The following OSGEP variants were observed in gnomAD, a reference collection of about 807,000 sequenced individuals.
OSGEP encodes tRNA N6-adenosine threonylcarbamoyltransferase.
Under a neutral mutation model 44.1 loss-of-function variants are expected in OSGEP, and 39 were observed. The ratio of observed to expected loss-of-function variants is 0.88; its 90% CI spans 0.69 to 1.16. OSGEP has a LOEUF of 1.16. Among genes scored for constraint, OSGEP ranks in the 50% most tolerant of loss-of-function variants. OSGEP has a pLI of 0.00. For missense variants in OSGEP, 403 were observed against 443.1 expected, an observed-to-expected ratio of 0.91 and a Z score of 0.81; for synonymous variants, 139 against 161.9, an observed-to-expected ratio of 0.86 and a Z score of 1.07.
Position 20,449,033 on chromosome 14 carries a change from A to G in OSGEP, c.508-20T>C. 6.2e-7 allele frequency: 1 copy of G among 1,607,072 alleles called. No homozygotes were observed. The highest frequency in any genetic ancestry group is 8.5e-7 in the Non-Finnish European group (1 of 1,173,532). On this transcript the variant is annotated intron_variant, in intron 4 of 10. Coordinates refer to ENST00000206542, the MANE Select transcript of OSGEP (RefSeq NM_017807.4). Reference sequence around the variant, plus strand: ...AGAAATCTAGCAGAAGAAAAAAATAAGGAAGGAGGGAATGGAAGAGGATGA... The same window carrying G: ...AGAAATCTAGCAGAAGAAAAAAATAGGGAAGGAGGGAATGGAAGAGGATGA...
At chr14:20,451,222 A>G (rs1432309293) in intron 3 of OSGEP, 1 of 170,486 alleles carries the variant, frequency 5.9e-6, no homozygotes, top group Non-Finnish European at 1.3e-5. Context: ...CTACATAATC[A>G]TTCCCAGTAA....
In OSGEP at chr14:20,448,149, G is replaced by A; in HGVS notation, c.659C>T (p.Ala220Val). The A allele has an allele frequency of 6.2e-7, 1 of 1,613,144 alleles. No homozygotes were observed. The highest frequency in any genetic ancestry group is 8.5e-7 in the Non-Finnish European group (1 of 1,179,080). Residue 220 changes from alanine to valine, a missense_variant, in exon 7 of 11, where the codon GCC (alanine) becomes GTC (valine). By Grantham distance (64) the Ala-to-Val change is moderately conservative. Coordinates refer to ENST00000206542, the MANE Select transcript of OSGEP (RefSeq NM_017807.4). ...FIEDVAHRMLATGECTPEDLC... is the reference protein window; with the variant it reads ...FIEDVAHRMLVTGECTPEDLC... ...ATCCTCAGGAGTACACTCGCCTGTG[G>A]CCAGCATCCGATGGGCTACATCCTA...
rs767331890 is a variant in OSGEP, at chr14:20,447,499, C to G, written c.891G>C (p.Ala297=). 1 of 1,614,104 alleles carries G rather than the reference C, an allele frequency of 6.2e-7. No individual in the cohort carries two copies. Among genetic ancestry groups the G allele is most frequent in the Non-Finnish European group, 8.5e-7 (1 of 1,179,988 alleles). Residue 297 remains alanine, a synonymous_variant, in exon 10 of 11, where the codon GCG becomes GCC. Coordinates refer to ENST00000206542, the MANE Select transcript of OSGEP (RefSeq NM_017807.4). ...TDERFCIDNG[A]MIAQAGWEMF... is the part of the protein sequence containing the mutation. ...TCTCCCAGCCAGCCTGGGCTATCATCGCTCCATTGTCAATACAGAATCTGG... is the reference window on the plus strand; with the variant it reads ...TCTCCCAGCCAGCCTGGGCTATCATGGCTCCATTGTCAATACAGAATCTGG...
In OSGEP at chr14:20,453,129, C is replaced by T. The variant is rs376760823; in HGVS notation, c.116-681G>A. Among the ~76,000 whole-genome samples, 40 of 152,298 alleles carry T rather than the reference C, an allele frequency of 2.6e-4. No homozygotes were observed. The South Asian group carries it at 7.9e-3, about 30-fold the overall frequency. On this transcript the variant is annotated intron_variant, in intron 1 of 10. Transcript: ENST00000206542. ...TTGCTCAGCTTAATCATGAATATCT[C>T]AAAGCATTGAGTATTTTATTTATCT...
At chr14:20,451,831 T>G in intron 3 of OSGEP, 143 bp downstream of exon 3, 1 of 685,534 alleles carries the variant, frequency 1.5e-6, no homozygotes, top group Non-Finnish European at 2.3e-6. Flanking sequence ...ACAAACTCTG[T>G]TGGGGGTTTT....
At position 20,449,008 on chromosome 14, in the gene OSGEP, A is replaced by C; in HGVS notation, c.513T>G (p.Ser171=). 1 of 1,613,934 alleles carries C rather than the reference A, an allele frequency of 6.2e-7. No homozygotes were observed. Among genetic ancestry groups the C allele is most frequent in the Non-Finnish European group, 8.5e-7 (1 of 1,179,766 alleles). Residue 171 remains serine (S), a synonymous_variant, in exon 5 of 11, where the codon TCT becomes TCG. Transcript: ENST00000206542. ...LDRFARVLKI[S]NDPSPGYNIE... The stretch of plus-strand genomic sequence containing the variant: ...TGTTGTATCCTGGACTTGGGTCGTT[A>C]GAAATCTAGCAGAAGAAAAAAATAA...
chr14:20,454,695 G>T lies in OSGEP; in HGVS notation c.-12C>A. The T allele has an allele frequency of 6.3e-7, 1 of 1,597,098 alleles. No homozygotes were observed. Among genetic ancestry groups the T allele is most frequent in the South Asian group, 1.1e-5 (1 of 90,712 alleles). On this transcript the variant is annotated 5_prime_UTR_variant, in exon 1 of 11. Transcript: ENST00000206542. ...AGCACCGCCGGCATGGCGGAGGCTG[G>T]GAGAAAACGCCGACAGGACTCCTGG...
chr14:20,447,537 A>C lies in OSGEP; in HGVS notation c.870-17T>G. 1 of 1,612,296 alleles carries C rather than the reference A, an allele frequency of 6.2e-7. No homozygotes were observed. Among genetic ancestry groups the C allele is most frequent in the Non-Finnish European group, 8.5e-7 (1 of 1,178,522 alleles). ...ATACAGAATCTGGGATGCAAGAGAG[A>C]TGAAAATTGGGATCTAAGGGTGGAA... On this transcript the variant is annotated splice_polypyrimidine_tract_variant and intron_variant, in intron 9 of 10. Transcript: ENST00000206542.
Position 20,452,024 on chromosome 14 carries a change from T to C in OSGEP, c.361A>G (p.Thr121Ala). The change falls in exon 3 of 11, where the codon ACT becomes GCT. Residue 121 changes from threonine to alanine, a missense_variant. Physicochemically the swap from Thr to Ala is moderately conservative, Grantham distance 58. Transcript: ENST00000206542. ...AACACGGTTGGGCTGGTGGCTCCAG[T>C]GATGAGGCGGCCCATCTCAATGTGG... Reference protein sequence around the residue: ...IGHIEMGRLITGATSPTVLYV... With the variant: ...IGHIEMGRLIAGATSPTVLYV... 1.2e-6 allele frequency: 2 copies of C among 1,613,330 alleles called. No individual in the cohort carries two copies. The highest frequency in any genetic ancestry group is 1.7e-6 in the Non-Finnish European group (2 of 1,179,754).
intron 5 of OSGEP, 47 bp downstream of exon 5, chr14:20,448,917 C>T: frequency 7.5e-6 from 12 of 1,605,532 alleles, no homozygotes; most frequent in South Asian, 1.1e-5. Context: ...ATGGGGAAAT[C>T]CCTGAAGCCC....
rs1371400052 is a variant in OSGEP at position 20,449,176 on chromosome 14, G to A, written c.502C>T (p.Leu168=). 20 of 1,607,554 alleles carry A rather than the reference G, an allele frequency of 1.2e-5. No individual in the cohort carries two copies. Among genetic ancestry groups the A allele is most frequent in the Non-Finnish European group, 1.6e-5 (19 of 1,174,060 alleles). ...GNCLDRFARV[L]KISNDPSPGY... The stretch of plus-strand genomic sequence containing the variant: ...CTGCAGCCCCACTGGCTTACCTTCA[G>A]CACTCGAGCAAAACGATCCAGACAA... Residue 168 remains leucine, a synonymous_variant, in exon 4 of 11, where the codon CTG becomes TTG. Coordinates refer to ENST00000206542, the MANE Select transcript of OSGEP (RefSeq NM_017807.4).
chr14:20,451,922 C>A, intron 3 of OSGEP, 52 bp downstream of exon 3: 1 of 1,426,758 alleles, frequency 7.0e-7, no homozygotes, highest in South Asian at 1.4e-5. Context: ...AAAGAAAATA[C>A]TGGTTCAGTG....
rs187761956 is a variant in OSGEP at position 20,453,819 on chromosome 14, C to T, written c.115+750G>A. Among the ~76,000 whole-genome samples the T allele has an allele frequency of 4.2e-3, 640 of 152,018 alleles. 5 individuals are homozygous for T. The highest frequency in any genetic ancestry group is 0.014 in the African/African-American group (592 of 41,462). ...GGCGGATCATCTGAGGTCAGGAGTT[C>T]GAGACCAGCTTGGCCTGGTGGAAAC... On this transcript the variant is annotated intron_variant, in intron 1 of 10. Coordinates refer to ENST00000206542, the MANE Select transcript of OSGEP (RefSeq NM_017807.4).
At chr14:20,452,571 C>A in intron 1 of OSGEP, 123 bp from the exon 2 acceptor site, 1 of 856,992 alleles carries the variant, frequency 1.2e-6, no homozygotes, top group East Asian at 2.6e-5. Context: ...CCCCAAGCAT[C>A]CTATCTTCCA....
intron 3 of OSGEP, chr14:20,451,753 T>A (rs2139293542): frequency 2.5e-6 from 1 of 398,004 alleles, no homozygotes; most frequent in East Asian, 3.7e-5. Context: ...ATCTTTATAA[T>A]CAGATATAAA....
At chr14:20,449,978 A>T (rs953715462) in intron 3 of OSGEP, 1 of 151,996 alleles carries the variant, frequency 6.6e-6, no homozygotes, top group African/African-American at 2.4e-5. Flanking sequence ...CAAAAATCTC[A>T]TATGGAGTCA....
Position 20,447,467 on chromosome 14 carries a change from C to T in OSGEP, c.923G>A (p.Arg308Gln), listed in dbSNP as rs772759656. 15 of 1,613,972 alleles carry T rather than the reference C, an allele frequency of 9.3e-6. No homozygotes were observed. Among genetic ancestry groups the T allele is most frequent in the Admixed American group, 8.3e-5 (5 of 59,988 alleles). ...ACTGAGTGGGGTCCTGTGTCCAGCCCGAAACATCTCCCAGCCAGCCTGGGC... is the reference window on the plus strand; with the variant it reads ...ACTGAGTGGGGTCCTGTGTCCAGCCTGAAACATCTCCCAGCCAGCCTGGGC... The part of the protein sequence containing the change: ...MIAQAGWEMF[R>Q]AGHRTPLSDS... The change falls in exon 10 of 11, where the codon CGG becomes CAG. Residue 308 changes from arginine to glutamine, a missense_variant. Transcript: ENST00000206542.
At chr14:20,448,610 T>G (rs1881019303) in intron 6 of OSGEP, 123 bp downstream of exon 6, 1 of 678,094 alleles carries the variant, frequency 1.5e-6, no homozygotes, top group Non-Finnish European at 2.6e-6. Context: ...ACCCAGCACA[T>G]GATATGGACC....
chr14:20,448,210 T>C (rs1423947593), intron 6 of OSGEP, 39 bp from the exon 7 acceptor site: 2 of 1,569,222 alleles, frequency 1.3e-6, no homozygotes, highest in East Asian at 2.2e-5. Flanking sequence ...CAACAAATCA[T>C]GGTTTTGGGA....
Sources: gnomAD v4.1 joint callset for allele counts (sites outside exome capture counted in the v4.1 genomes callset) on GRCh38, gnomAD v4.1.1 for gene constraint, MANE v1.5 for transcripts, NCBI Gene and HGNC (gene_info 2026-07-23, HGNC 2026-07-21) for gene names.